Variants in GPM6A observed in about 807,000 individuals in gnomAD.
GPM6A encodes the protein neuronal membrane glycoprotein M6-a.
A neutral mutation model predicts 32.1 loss-of-function variants in GPM6A; 7 were observed. The ratio of observed to expected loss-of-function variants is 0.22; its 90% confidence interval spans 0.12 to 0.41. The LOEUF is 0.41. Ranked by LOEUF, GPM6A falls within the 10% of genes least tolerant of loss-of-function variation. The pLI, the probability that GPM6A is intolerant of heterozygous loss-of-function variation, is 1.00. For synonymous variants in GPM6A, 130 were observed against 123.4 expected (o/e 1.05, Z -0.35); for missense variants, 235 against 347.2 (o/e 0.68, Z 2.57).
chr4:176,000,578 A>C (rs28700036), intron 1 of GPM6A, among the ~76,000 whole-genome samples: 1 of 152,166 alleles, frequency 6.6e-6, no homozygotes, highest in South Asian at 2.1e-4. Flanking sequence ...TAAATTATGT[A>C]ATTCTTTCTA....
At chr4:175,999,980 T>C (rs1437981958) in intron 1 of GPM6A, among the ~76,000 whole-genome samples, 40 of 152,182 alleles carry the variant, frequency 2.6e-4, no homozygotes, top group Admixed American at 2.4e-3. Context: ...CTATTTCCCC[T>C]ATGCACTTCC....
intron 3 of GPM6A, among the ~76,000 whole-genome samples, chr4:175,662,887 A>T (rs1020727526): frequency 5.9e-5 from 9 of 151,482 alleles, no homozygotes; most frequent in African/African-American, 1.2e-4. Flanking sequence ...TAGAAAGTTT[A>T]AAAAAAAATC....
chr4:175,873,147 T>G (rs1736964487), intron 1 of GPM6A, among the ~76,000 whole-genome samples: 1 of 151,900 alleles, frequency 6.6e-6, no homozygotes, highest in Admixed American at 6.6e-5. Context: ...GGACAATGTG[T>G]GTTTTTTTCT....
chr4:175,685,012 C>T (rs895679670), intron 2 of GPM6A, among the ~76,000 whole-genome samples: 8 of 151,958 alleles, frequency 5.3e-5, no homozygotes, highest in South Asian at 2.1e-4. Context: ...CTCAGCCTCC[C>T]GAGTAGCTGG....
rs564133678 is a variant in GPM6A, at chr4:175,799,425, A to G, written c.37+12766T>C. 8.7e-4 allele frequency among the ~76,000 whole-genome samples: 133 copies of G among 152,264 alleles called. 1 individual carries two copies. The highest frequency in any genetic ancestry group is 1.4e-3 in the Non-Finnish European group (94 of 68,016). The stretch of plus-strand genomic sequence containing the variant: ...TTTTTAATGTTCCCCTCTCACACTA[A>G]GAACTGCTTGAATCTAAGTATCTAG... On this transcript the variant is annotated intron_variant, in intron 1 of 6. Coordinates refer to ENST00000393658, the MANE Select transcript of GPM6A (RefSeq NM_201591.3).
chr4:175,872,827 T>C (rs1046748720), intron 1 of GPM6A: 11 of 152,118 alleles, frequency 7.2e-5, no homozygotes, highest in Non-Finnish European at 1.0e-4. Flanking sequence ...AATTCTAAAA[T>C]TTACACTTCT....
At chr4:175,645,075 G>A (rs1350569510) in intron 4 of GPM6A, among the ~76,000 whole-genome samples, 4 of 152,150 alleles carry the variant, frequency 2.6e-5, no homozygotes, top group African/African-American at 9.7e-5. Flanking sequence ...ACTCCAGCCT[G>A]GGCGACAGAG....
intron 1 of GPM6A, among the ~76,000 whole-genome samples, chr4:175,918,115 C>A (rs1001377857): frequency 6.6e-6 from 1 of 151,222 alleles, no homozygotes; most frequent in Non-Finnish European, 1.5e-5. Flanking sequence ...ATATTTTACA[C>A]GCATAACTTA....
chr4:175,988,394 G>T (rs1741042396), intron 1 of GPM6A, among the ~76,000 whole-genome samples: 1 of 152,150 alleles, frequency 6.6e-6, no homozygotes, highest in Admixed American at 6.5e-5. Context: ...CATTAGACAA[G>T]AATGCTTAAT....
chr4:175,821,388 T>C (rs1359814839), intron 1 of GPM6A, among the ~76,000 whole-genome samples: 5 of 152,148 alleles, frequency 3.3e-5, no homozygotes, highest in Non-Finnish European at 7.4e-5. Context: ...ACTAATTCCA[T>C]AGCAATTAAA....
intron 1 of GPM6A, among the ~76,000 whole-genome samples, chr4:175,983,800 G>A (rs1177705524): frequency 6.6e-6 from 1 of 152,102 alleles, no homozygotes; most frequent in African/African-American, 2.4e-5. Flanking sequence ...AATGGGTTGG[G>A]AATGATTTTC....
intron 1 of GPM6A, among the ~76,000 whole-genome samples, chr4:175,954,401 T>C (rs375641439): frequency 1.3e-5 from 2 of 152,360 alleles, no homozygotes; most frequent in Admixed American, 1.3e-4. Context: ...ACTTTAGAAC[T>C]GTGTAAGCTT....
chr4:175,665,161 C>T (rs1419851972), intron 3 of GPM6A, among the ~76,000 whole-genome samples: 2 of 152,206 alleles, frequency 1.3e-5, no homozygotes, highest in Non-Finnish European at 2.9e-5. Context: ...ACAATGTGTA[C>T]TGTACTAGGC....
At chr4:175,835,293 T>C (rs995436469) in intron 1 of GPM6A, among the ~76,000 whole-genome samples, 1 of 152,116 alleles carries the variant, frequency 6.6e-6, no homozygotes, top group African/African-American at 2.4e-5. Context: ...TTGCTTACTT[T>C]TATTAACTTT....
At chr4:175,892,248 G>A (rs1737670832) in intron 1 of GPM6A, among the ~76,000 whole-genome samples, 1 of 152,140 alleles carries the variant, frequency 6.6e-6, no homozygotes, top group South Asian at 2.1e-4. Flanking sequence ...AGGGACTCAA[G>A]ATACCCTCTT....
chr4:175,839,979 C>T (rs532402352), intron 1 of GPM6A, among the ~76,000 whole-genome samples: 3 of 152,244 alleles, frequency 2.0e-5, no homozygotes, highest in Non-Finnish European at 2.9e-5. Context: ...ATGTAACTTA[C>T]GTCTAAAGTA....
At chr4:175,779,323 C>T (rs1049299535) in intron 1 of GPM6A, among the ~76,000 whole-genome samples, 34 of 152,108 alleles carry the variant, frequency 2.2e-4, no homozygotes, top group Non-Finnish European at 2.5e-4. Flanking sequence ...GAGCAATTTC[C>T]GTTTTGTTTC....
chr4:175,943,086 A>G (rs1447271387), intron 1 of GPM6A, among the ~76,000 whole-genome samples: 1 of 152,044 alleles, frequency 6.6e-6, no homozygotes, highest in Non-Finnish European at 1.5e-5. Context: ...CTCCTTAAAG[A>G]GCTTCTTCAC....
chr4:175,789,001 C>T (rs1390475244), intron 1 of GPM6A, among the ~76,000 whole-genome samples: 4 of 152,080 alleles, frequency 2.6e-5, no homozygotes, highest in Admixed American at 6.6e-5. Context: ...AGGAAGTTAA[C>T]GTGTTTTGAC....
Sources: gnomAD v4.1 joint callset for allele counts (sites outside exome capture counted in the v4.1 genomes callset) on GRCh38, gnomAD v4.1.1 for gene constraint, MANE v1.5 for transcripts, NCBI Gene and HGNC (gene_info 2026-07-23, HGNC 2026-07-21) for gene names.